Variants in CAMK1D observed in about 807,000 individuals in gnomAD.
The protein encoded by CAMK1D is calcium/calmodulin-dependent protein kinase type 1D.
Under a neutral mutation model 47.7 loss-of-function variants are expected in CAMK1D, and 9 were observed. The ratio of observed to expected loss-of-function variants is 0.19; its 90% CI spans 0.11 to 0.33. The LOEUF (loss-of-function observed/expected upper bound fraction) is 0.33, where lower values mean the gene tolerates loss of function less well. Ranked by LOEUF, CAMK1D falls within the 10% of genes least tolerant of loss-of-function variation. CAMK1D has a pLI of 1.00. For missense variants in CAMK1D, 291 were observed against 488.7 expected (o/e 0.60, Z 3.81); for synonymous variants, 184 against 184.9 (o/e 0.99, Z 0.04).
intron 3 of CAMK1D, among the ~76,000 whole-genome samples, chr10:12,749,067 G>A (rs534171803): frequency 3.3e-5 from 5 of 152,294 alleles, no homozygotes; most frequent in South Asian, 2.1e-4. Context: ...GTGTAAAAGC[G>A]TGAACTTTAG....
intron 5 of CAMK1D, among the ~76,000 whole-genome samples, chr10:12,782,384 A>T (rs1290794441): frequency 6.6e-6 from 1 of 152,280 alleles, no homozygotes; most frequent in East Asian, 1.9e-4. Context: ...TCTTGATGTC[A>T]TTCTTACTGA....
At chr10:12,727,510 T>C (rs1006178142) in intron 3 of CAMK1D, among the ~76,000 whole-genome samples, 8 of 152,180 alleles carry the variant, frequency 5.3e-5, no homozygotes, top group Non-Finnish European at 1.0e-4. Context: ...ACAAGCACCA[T>C]TGTTGGGATG....
chr10:12,557,579 A>G (rs562347744), intron 2 of CAMK1D, among the ~76,000 whole-genome samples: 1 of 151,978 alleles, frequency 6.6e-6, no homozygotes, highest in South Asian at 2.1e-4. Context: ...AAGAAAAAAG[A>G]AAAAAGTCTT....
chr10:12,503,414 TCA>T (rs45584137), intron 1 of CAMK1D, among the ~76,000 whole-genome samples: 50,866 of 151,950 alleles, frequency 0.33, 8,777 homozygotes, highest in African/African-American at 0.4. Context: ...TTGGCGTGTG[TCA>T]CAGCTGTCTG....
At chr10:12,641,914 G>A (rs1466039978) in intron 2 of CAMK1D, among the ~76,000 whole-genome samples, 1 of 151,992 alleles carries the variant, frequency 6.6e-6, no homozygotes, top group African/African-American at 2.4e-5. Context: ...GCGTGGTGGA[G>A]GGCGCCTGTA....
chr10:12,421,936 C>T (rs947582775), intron 1 of CAMK1D, among the ~76,000 whole-genome samples: 5 of 152,020 alleles, frequency 3.3e-5, no homozygotes, highest in Non-Finnish European at 2.9e-5. Context: ...CCCGCCTCAG[C>T]CTCCCGAGTA....
intron 7 of CAMK1D, 131 bp from the exon 8 acceptor site, chr10:12,816,119 A>G: frequency 3.0e-6 from 2 of 676,676 alleles, no homozygotes; most frequent in East Asian, 2.8e-5. Flanking sequence ...TCCAAGGTAC[A>G]GTAGTCTCTG....
chr10:12,350,810 C>G (rs1837332560), intron 1 of CAMK1D, among the ~76,000 whole-genome samples: 1 of 152,228 alleles, frequency 6.6e-6, no homozygotes, highest in African/African-American at 2.4e-5. Flanking sequence ...AAGTTATTTC[C>G]TTCCCTCACA....
At chr10:12,354,680 G>C (rs1043875536) in intron 1 of CAMK1D, among the ~76,000 whole-genome samples, 2 of 151,926 alleles carry the variant, frequency 1.3e-5, no homozygotes, top group Non-Finnish European at 2.9e-5. Context: ...AAAGTGCTGG[G>C]ATTACAGACG....
intron 1 of CAMK1D, among the ~76,000 whole-genome samples, chr10:12,544,135 T>C (rs1836284551): frequency 6.6e-6 from 1 of 152,234 alleles, no homozygotes; most frequent in Non-Finnish European, 1.5e-5. Flanking sequence ...GATTCAACTT[T>C]TGCAATTTGT....
At chr10:12,739,179 G>A (rs1835310822) in intron 3 of CAMK1D, among the ~76,000 whole-genome samples, 1 of 152,138 alleles carries the variant, frequency 6.6e-6, no homozygotes, top group African/African-American at 2.4e-5. Context: ...GGAGATTGCA[G>A]TGAGCCATGA....
chr10:12,755,161 A>G (rs1174892153), intron 3 of CAMK1D, among the ~76,000 whole-genome samples: 4 of 152,230 alleles, frequency 2.6e-5, no homozygotes, highest in Non-Finnish European at 5.9e-5. Context: ...GATTTGTTGA[A>G]GGAGGAAAAT....
At chr10:12,779,824 G>A (rs535849964) in intron 5 of CAMK1D, among the ~76,000 whole-genome samples, 1 of 152,166 alleles carries the variant, frequency 6.6e-6, no homozygotes. Context: ...ATTCCATTAC[G>A]GATGTCACTC....
At chr10:12,770,999 G>A (rs1392593599) in intron 5 of CAMK1D, among the ~76,000 whole-genome samples, 11 of 152,040 alleles carry the variant, frequency 7.2e-5, no homozygotes, top group Non-Finnish European at 5.9e-5. Flanking sequence ...GCGCAATCCC[G>A]ACTCACTGCA....
At chr10:12,400,937 C>T (rs1485197222) in intron 1 of CAMK1D, among the ~76,000 whole-genome samples, 1 of 147,262 alleles carries the variant, frequency 6.8e-6, no homozygotes, top group Non-Finnish European at 1.5e-5. Flanking sequence ...TGCAATATAG[C>T]GAGGCCCCTG....
At chr10:12,371,101 C>T (rs963896718) in intron 1 of CAMK1D, among the ~76,000 whole-genome samples, 1 of 151,918 alleles carries the variant, frequency 6.6e-6, no homozygotes, top group Non-Finnish European at 1.5e-5. Flanking sequence ...AAAATTAAAA[C>T]AATAACTTTA....
chr10:12,433,621 G>C (rs552352763), intron 1 of CAMK1D, among the ~76,000 whole-genome samples: 1 of 152,292 alleles, frequency 6.6e-6, no homozygotes, highest in Non-Finnish European at 1.5e-5. Flanking sequence ...CATCTCCCCA[G>C]TCAATGCCTT....
intron 2 of CAMK1D, among the ~76,000 whole-genome samples, chr10:12,568,800 A>C (rs1837224491): frequency 1.3e-5 from 2 of 152,142 alleles, no homozygotes; most frequent in South Asian, 4.1e-4. Context: ...CAGTCAACTA[A>C]GTAAGTGATA....
intron 2 of CAMK1D, among the ~76,000 whole-genome samples, chr10:12,595,342 G>GAAACAAAAAAAAAAAAAA (rs1838113429): frequency 4.2e-5 from 1 of 23,554 alleles, no homozygotes; most frequent in Non-Finnish European, 7.0e-5. Flanking sequence ...AACTCCATCT[G>GAAACAAAAAAAAAAAAAA]AAAAAAAAAA....
Sources: allele counts gnomAD v4.1 joint callset (sites outside exome capture counted in the v4.1 genomes callset), GRCh38; gene constraint gnomAD v4.1.1; transcripts MANE v1.5; gene names NCBI Gene and HGNC (gene_info 2026-07-23, HGNC 2026-07-21).